NCF4: variants seen among roughly 807,000 people sequenced by gnomAD.
The protein encoded by NCF4 is neutrophil cytosol factor 4.
A neutral mutation model predicts 41.7 loss-of-function variants in NCF4; 30 were observed. The observed-to-expected ratio is 0.72, with a 90% CI of 0.54 to 0.97. The LOEUF (loss-of-function observed/expected upper bound fraction) is 0.97, where lower values mean the gene tolerates loss of function less well. Among genes scored for constraint, NCF4 ranks in the 50% least tolerant of loss-of-function variants. NCF4 has a pLI of 0.00. For missense variants in NCF4, 432 were observed against 460.9 expected, an observed-to-expected ratio of 0.94 and a Z score of 0.57; for synonymous variants, 195 against 175.8, an observed-to-expected ratio of 1.11 and a Z score of -0.87.
intron 4 of NCF4, among the ~76,000 whole-genome samples, chr22:36,867,960 C>T (rs1229115775): frequency 1.3e-5 from 2 of 152,234 alleles, no homozygotes; most frequent in Non-Finnish European, 2.9e-5. Flanking sequence ...CTTACGTGAA[C>T]ATGGGCTGGA....
chr22:36,867,602 G>T, intron 4 of NCF4, 140 bp downstream of exon 4: 1 of 895,920 alleles, frequency 1.1e-6, no homozygotes, highest in South Asian at 1.4e-5. Context: ...ATCCCTAAAG[G>T]CCTGGTCTGG....
intron 7 of NCF4, among the ~76,000 whole-genome samples, chr22:36,873,038 G>A (rs1213124228): frequency 6.7e-6 from 1 of 150,212 alleles, no homozygotes; most frequent in Non-Finnish European, 1.5e-5. Context: ...GAGATTGGAG[G>A]TGAGGATGGA....
intron 9 of NCF4, among the ~76,000 whole-genome samples, chr22:36,877,143 CTTT>C (rs796935697): frequency 6.8e-6 from 1 of 147,242 alleles, no homozygotes; most frequent in African/African-American, 2.5e-5. Context: ...TCTCCTTCTC[CTTT>C]TTTTTTTTGA....
At chr22:36,877,439 T>C (rs771397208) in intron 9 of NCF4, among the ~76,000 whole-genome samples, 189 bp from the exon 10 acceptor site, 47 of 152,188 alleles carry the variant, frequency 3.1e-4, no homozygotes, top group Non-Finnish European at 5.6e-4. Flanking sequence ...ACCCAGCCTC[T>C]TCTCCCTTTT....
At chr22:36,862,671 C>T (rs979331525) in intron 1 of NCF4, among the ~76,000 whole-genome samples, 1 of 152,186 alleles carries the variant, frequency 6.6e-6, no homozygotes, top group African/African-American at 2.4e-5. Context: ...GCTCCCTGTA[C>T]CTCGAAGGTC....
chr22:36,875,632 A>G (rs2145726448), intron 7 of NCF4, 21 bp from the exon 8 acceptor site: 4 of 1,607,840 alleles, frequency 2.5e-6, no homozygotes, highest in Non-Finnish European at 3.4e-6. Flanking sequence ...CCAGCATGGC[A>G]TCCCTTCTCT....
At chr22:36,869,537 A>G (rs772251135) in intron 4 of NCF4, among the ~76,000 whole-genome samples, 3 of 151,812 alleles carry the variant, frequency 2.0e-5, no homozygotes, top group Non-Finnish European at 4.4e-5. Flanking sequence ...CCCCGACCCC[A>G]CCTCATCCTG....
chr22:36,866,690 G>A (rs763579495), intron 3 of NCF4, among the ~76,000 whole-genome samples: 10 of 152,078 alleles, frequency 6.6e-5, no homozygotes, highest in Non-Finnish European at 1.0e-4. Flanking sequence ...TTGCTTCCTC[G>A]TAGGGGTTCT....
chr22:36,864,403 G>T (rs1939871094), intron 2 of NCF4, among the ~76,000 whole-genome samples: 1 of 152,136 alleles, frequency 6.6e-6, no homozygotes, highest in Non-Finnish European at 1.5e-5. Context: ...CCCCAGTAAA[G>T]AACTGTCCGG....
At position 36,875,890 on chromosome 22, in the gene NCF4, A is replaced by G. The variant is rs754899491; in HGVS notation, c.758+107A>G. The G allele has an allele frequency of 5.6e-6, 9 of 1,614,072 alleles. No homozygotes were observed. In the Admixed American group the frequency reaches 1.5e-4, roughly 27 times the overall value. On this transcript the variant is annotated intron_variant, in intron 8 of 9. Transcript: ENST00000248899. ...GTCCCTCTCCCACTCCAAAGCCCCCAGTGGCTCCCAGATGAGCCACAATGC... is the reference window on the plus strand; with the variant it reads ...GTCCCTCTCCCACTCCAAAGCCCCCGGTGGCTCCCAGATGAGCCACAATGC...
chr22:36,873,526 A>T (rs1446883412), intron 7 of NCF4, among the ~76,000 whole-genome samples: 1 of 152,126 alleles, frequency 6.6e-6, no homozygotes, highest in South Asian at 2.1e-4. Context: ...CTGGAGATCC[A>T]GGCAGGTTGG....
chr22:36,869,387 TG>T (rs1054645315), intron 4 of NCF4, among the ~76,000 whole-genome samples: 10 of 152,344 alleles, frequency 6.6e-5, no homozygotes, highest in African/African-American at 2.4e-4. Flanking sequence ...GAGCCAGGTT[TG>T]CCCAAAGCCA....
At position 36,871,686 on chromosome 22, in the gene NCF4, C is replaced by A; in HGVS notation, c.505C>A (p.Arg169Ser). Reference sequence around the variant, plus strand: ...GTCCCCACAGGGCAACAGCGTTGACCGCATGGCAGCTCCGAGAGCAGAGGT... The same window carrying A: ...GTCCCCACAGGGCAACAGCGTTGACAGCATGGCAGCTCCGAGAGCAGAGGT... Reference protein sequence around the residue: ...SVSPQGNSVDRMAAPRAEALF... With the variant: ...SVSPQGNSVDSMAAPRAEALF... Residue 169 changes from arginine to serine, a missense_variant, in exon 6 of 10, where the codon CGC (arginine) becomes AGC (serine). Transcript: ENST00000248899. 1.3e-6 allele frequency: 2 copies of A among 1,569,950 alleles called. No individual in the cohort carries two copies. The highest frequency in any genetic ancestry group is 8.6e-7 in the Non-Finnish European group (1 of 1,156,502).
rs758154907 is a variant in NCF4 at position 36,870,535 on chromosome 22, C to G, written c.463C>G (p.Arg155Gly). Reference protein sequence around the residue: ...QALRRLRPRTRKVKSVSPQGN... With the variant: ...QALRRLRPRTGKVKSVSPQGN... ...ACTCCGCCGGCTCCGCCCGCGCACC[C>G]GGAAAGTGTAAGTGACCAGCCCCTG... Residue 155 changes from arginine (R) to glycine (G), a missense_variant, in exon 5 of 10, where the codon CGG (arginine) becomes GGG (glycine). Coordinates refer to ENST00000248899, the MANE Select transcript of NCF4 (RefSeq NM_000631.5). 2.2e-5 allele frequency: 36 copies of G among 1,611,882 alleles called. No homozygotes were observed. Among genetic ancestry groups the G allele is most frequent in the Non-Finnish European group, 2.7e-5 (32 of 1,180,020 alleles).
At chr22:36,870,332 G>A in intron 4 of NCF4, 83 bp from the exon 5 acceptor site, 1 of 1,592,932 alleles carries the variant, frequency 6.3e-7, no homozygotes, top group East Asian at 2.2e-5. Flanking sequence ...CTGATGTCAG[G>A]GCTCGGGGAC....
rs546311292 is a variant in NCF4 at position 36,877,725 on chromosome 22, C to A, written c.922C>A (p.Arg308=). The part of the protein sequence containing the change: ...LSDEDVALMV[R]QARGLPSQKR... ...GGATGAGGACGTAGCGCTCATGGTGCGGCAGGCTCGTGGCCTCCCCTCCCA... is the reference window on the plus strand; with the variant it reads ...GGATGAGGACGTAGCGCTCATGGTGAGGCAGGCTCGTGGCCTCCCCTCCCA... Residue 308 remains arginine, a synonymous_variant, in exon 10 of 10, where the codon CGG becomes AGG. Transcript: ENST00000248899. 1.9e-6 allele frequency: 3 copies of A among 1,614,086 alleles called. No homozygotes were observed. The highest frequency in any genetic ancestry group is 2.2e-5 in the East Asian group (1 of 44,874).
intron 1 of NCF4, among the ~76,000 whole-genome samples, chr22:36,861,719 A>G (rs1939778523): frequency 6.6e-6 from 1 of 152,140 alleles, no homozygotes; most frequent in African/African-American, 2.4e-5. Context: ...ATAATATTAT[A>G]TGCTCATTTA....
chr22:36,868,589 T>C (rs942053225), intron 4 of NCF4, among the ~76,000 whole-genome samples: 1 of 146,632 alleles, frequency 6.8e-6, no homozygotes, highest in East Asian at 2.2e-4. Context: ...CTGGGTGGGC[T>C]CCAGCTGCTC....
chr22:36,875,403 A>G (rs891203593), intron 7 of NCF4, among the ~76,000 whole-genome samples: 9 of 152,224 alleles, frequency 5.9e-5, no homozygotes, highest in African/African-American at 9.7e-5. Flanking sequence ...TGTTGAATGA[A>G]TAAGTGAATG....
Sources: gnomAD v4.1 joint callset for allele counts (sites outside exome capture counted in the v4.1 genomes callset) on GRCh38, gnomAD v4.1.1 for gene constraint, MANE v1.5 for transcripts, NCBI Gene and HGNC (gene_info 2026-07-23, HGNC 2026-07-21) for gene names.